PUS7: variants seen among roughly 807,000 people sequenced by gnomAD.
PUS7 encodes the protein pseudouridine synthase 7, also known as pseudouridylate synthase 7 homolog.
In PUS7, 48 loss-of-function variants were observed where a neutral mutation model predicts 79.8. That is an observed-to-expected ratio of 0.60 (90% confidence interval 0.48 to 0.76). The LOEUF (loss-of-function observed/expected upper bound fraction) is 0.76, where lower values mean the gene tolerates loss of function less well. PUS7 is among the 30% of genes least tolerant of loss of function. The probability of loss-of-function intolerance (pLI) is 0.00; values close to 1 mark genes in which losing one functional copy is unlikely to be tolerated. For missense variants in PUS7, 729 were observed against 797.6 expected (o/e 0.91, Z 1.04); for synonymous variants, 286 against 272.2 (o/e 1.05, Z -0.50).
intron 11 of PUS7, among the ~76,000 whole-genome samples, chr7:105,469,399 T>C (rs1823786080): frequency 6.6e-6 from 1 of 152,168 alleles, no homozygotes; most frequent in South Asian, 2.1e-4. Context: ...CAAGTGATTC[T>C]CCCACCTCAG....
rs1275827281 is a variant in PUS7, at chr7:105,479,544, C to T, written c.1175+1508G>A. On this transcript the variant is annotated intron_variant, in intron 9 of 15. Transcript: ENST00000469408. ...ATTAGTTTATGTAACAGAGTCTCTG[C>T]TGGGCAACAGGATTCCAGAAGTAGA... Among the ~76,000 whole-genome samples the T allele has an allele frequency of 2.0e-5, 3 of 152,286 alleles. No individual in the cohort carries two copies. The East Asian group carries it at 5.8e-4, about 29-fold the overall frequency.
intron 1 of PUS7, among the ~76,000 whole-genome samples, chr7:105,520,095 G>A (rs1431994766): frequency 6.6e-6 from 1 of 152,062 alleles, no homozygotes; most frequent in East Asian, 1.9e-4. Context: ...AGGCTGAGGC[G>A]GGTGGATCAC....
chr7:105,492,032 G>C (rs531002251), intron 6 of PUS7, among the ~76,000 whole-genome samples: 1 of 147,130 alleles, frequency 6.8e-6, no homozygotes, highest in African/African-American at 2.5e-5. Flanking sequence ...ACTCCAGCCT[G>C]GGCCACAGAG....
At chr7:105,496,865 A>T in intron 5 of PUS7, 1 of 852,582 alleles carries the variant, frequency 1.2e-6, no homozygotes, top group Non-Finnish European at 1.5e-6. Context: ...CCAGCTCACT[A>T]TCAGTTAAGC....
At chr7:105,506,342 G>C (rs1825458105) in intron 2 of PUS7, 69 bp from the exon 3 acceptor site, 1 of 1,117,232 alleles carries the variant, frequency 9.0e-7, no homozygotes, top group Admixed American at 2.0e-5. Context: ...AGATAAAGTT[G>C]ATCAACAGCA....
At chr7:105,467,441 C>T (rs902058804) in intron 12 of PUS7, among the ~76,000 whole-genome samples, 23 of 151,752 alleles carry the variant, frequency 1.5e-4, no homozygotes, top group Non-Finnish European at 2.8e-4. Context: ...AGGCGCCTGC[C>T]ACCACGCCCG....
intron 9 of PUS7, among the ~76,000 whole-genome samples, chr7:105,475,387 G>A (rs1163718867): frequency 6.6e-6 from 1 of 151,914 alleles, no homozygotes; most frequent in Non-Finnish European, 1.5e-5. Context: ...GGGTTTCACT[G>A]TGTTAGCCAG....
intron 9 of PUS7, among the ~76,000 whole-genome samples, 174 bp downstream of exon 9, chr7:105,480,878 T>C (rs1218582622): frequency 3.9e-5 from 6 of 152,212 alleles, no homozygotes; most frequent in Non-Finnish European, 8.8e-5. Flanking sequence ...TCATATCCTT[T>C]TGAACTCCGA....
In PUS7 at chr7:105,508,501, T is replaced by A. The variant is rs1156894190; in HGVS notation, c.12A>T (p.Thr4=). ...GTTTCAGCGACACACCAGTCATTTC[T>A]GTCATCTCCATCTTTAAGGCTCCAA... MEM[T]EMTGVSLKRG... Residue 4 remains threonine, a synonymous_variant, in exon 2 of 16, where the codon ACA becomes ACT. Coordinates refer to ENST00000469408, the MANE Select transcript of PUS7 (RefSeq NM_019042.5). 1 of 1,611,814 alleles carries A rather than the reference T, an allele frequency of 6.2e-7. No individual in the cohort carries two copies. The highest frequency in any genetic ancestry group is 1.3e-5 in the African/African-American group (1 of 74,794).
chr7:105,470,906 T>G, intron 10 of PUS7, 58 bp from the exon 11 acceptor site: 4 of 1,470,808 alleles, frequency 2.7e-6, no homozygotes, highest in Non-Finnish European at 3.6e-6. Flanking sequence ...CTTCCATAAC[T>G]TAAAGTACAC....
intron 7 of PUS7, among the ~76,000 whole-genome samples, chr7:105,483,274 T>C (rs1163078816): frequency 6.6e-6 from 1 of 152,052 alleles, no homozygotes; most frequent in Non-Finnish European, 1.5e-5. Flanking sequence ...GTGAATCTCC[T>C]GCCTCAGCCT....
Position 105,468,337 on chromosome 7 carries a change from C to G in PUS7, c.1525G>C (p.Ala509Pro), listed in dbSNP as rs142630039. 1 of 1,610,348 alleles carries G rather than the reference C, an allele frequency of 6.2e-7. No homozygotes were observed. Among genetic ancestry groups the G allele is most frequent in the Non-Finnish European group, 8.5e-7 (1 of 1,179,000 alleles). The change falls in exon 12 of 16, where the codon GCC (alanine) becomes CCC (proline). Residue 509 changes from alanine to proline, a missense_variant and splice_region_variant. By Grantham distance (27) the Ala-to-Pro change is conservative. Transcript: ENST00000469408. ...GTAACAAAGACATCTGCCTTTTTAC[C>G]TCCTTTGAGAACGAGGTCCCCTGGA... ...PVPGDLVLKG[A>P]TATYIEEDDV...
intron 1 of PUS7, among the ~76,000 whole-genome samples, chr7:105,520,072 C>T: frequency 6.6e-6 from 1 of 152,218 alleles, no homozygotes; most frequent in East Asian, 1.9e-4. Context: ...GCCTGTAATC[C>T]CAGCACTTCG....
chr7:105,506,460 T>C (rs952350270), intron 2 of PUS7, among the ~76,000 whole-genome samples, 187 bp from the exon 3 acceptor site: 2 of 151,928 alleles, frequency 1.3e-5, no homozygotes, highest in Admixed American at 1.3e-4. Flanking sequence ...CCTTGCTCTG[T>C]TGCCTAGGCT....
chr7:105,495,022 G>A, intron 6 of PUS7, 120 bp downstream of exon 6: 1 of 544,082 alleles, frequency 1.8e-6, no homozygotes, highest in Non-Finnish European at 3.3e-6. Context: ...AACTATCATT[G>A]GGAGGAGCAT....
chr7:105,462,569 C>T (rs1823475608), intron 14 of PUS7, 52 bp downstream of exon 14: 1 of 1,599,860 alleles, frequency 6.3e-7, no homozygotes, highest in Admixed American at 1.7e-5. Context: ...GAAGCAAAAG[C>T]TTACAACTTA....
In PUS7 at chr7:105,506,171, C is replaced by T. The variant is rs1269074630; in HGVS notation, c.483+18G>A. On this transcript the variant is annotated intron_variant, in intron 3 of 15. Coordinates refer to ENST00000469408, the MANE Select transcript of PUS7 (RefSeq NM_019042.5). ...ATTTTTATACAGAAGGTGACATTTG[C>T]TAAAGAGCTACTTCTACCTCCTCAT... is the stretch of plus-strand genomic sequence containing the variant. 2 of 1,597,814 alleles carry T rather than the reference C, an allele frequency of 1.3e-6. No homozygotes were observed. Among genetic ancestry groups the T allele is most frequent in the Non-Finnish European group, 1.7e-6 (2 of 1,169,820 alleles).
chr7:105,462,350 T>C lies in PUS7; in HGVS notation c.1757+271A>G, dbSNP rs818460. 283,566 of 306,384 alleles carry C rather than the reference T, an allele frequency of 0.93. 132,506 individuals are homozygous for C. The highest frequency in any genetic ancestry group is 0.98 in the South Asian group (21,280 of 21,784). The allele number at this position is 306,384 out of a possible 1,614,324, so 19.0% of individuals were successfully genotyped here. ...TGGAAGCTGAGACAGGAGAATCGCTTGAACCTGGGAGGCAGAAGTTGCAGT... is the reference window on the plus strand; with the variant it reads ...TGGAAGCTGAGACAGGAGAATCGCTCGAACCTGGGAGGCAGAAGTTGCAGT... On this transcript the variant is annotated intron_variant, in intron 14 of 15. Transcript: ENST00000469408.
rs761453039 is a variant in PUS7 at position 105,508,468 on chromosome 7, T to C, written c.45A>G (p.Ala15=). 3 of 1,613,986 alleles carry C rather than the reference T, an allele frequency of 1.9e-6. No individual in the cohort carries two copies. Among genetic ancestry groups the C allele is most frequent in the Admixed American group, 1.7e-5 (1 of 59,962 alleles). The change falls in exon 2 of 16, where the codon GCA becomes GCG. Residue 15 remains alanine, a synonymous_variant. Coordinates refer to ENST00000469408, the MANE Select transcript of PUS7 (RefSeq NM_019042.5). The part of the protein sequence containing the change: ...EMTGVSLKRG[A]LVVEDNDSGV... ...CACTGTCATTATCTTCGACAACCAG[T>C]GCCCCACGTTTCAGCGACACACCAG...
Sources: gnomAD v4.1 joint callset for allele counts (sites outside exome capture counted in the v4.1 genomes callset) on GRCh38, gnomAD v4.1.1 for gene constraint, MANE v1.5 for transcripts, NCBI Gene and HGNC (gene_info 2026-07-23, HGNC 2026-07-21) for gene names.